The following DPYD variants were observed in gnomAD, a reference collection of about 807,000 sequenced individuals.
DPYD encodes dihydropyrimidine dehydrogenase, also known as dihydropyrimidine dehydrogenase [NADP(+)].
A neutral mutation model predicts 116.2 loss-of-function variants in DPYD; 109 were observed. The ratio of observed to expected loss-of-function variants is 0.94; its 90% CI spans 0.80 to 1.10. The LOEUF is 1.10. Among genes scored for constraint, DPYD ranks in the 50% least tolerant of loss-of-function variants. The pLI, the probability that DPYD is intolerant of heterozygous loss-of-function variation, is 0.00. For missense variants in DPYD, 1,302 were observed against 1,254.5 expected (o/e 1.04, Z -0.57); for synonymous variants, 440 against 432.0 (o/e 1.02, Z -0.23).
intron 20 of DPYD, among the ~76,000 whole-genome samples, chr1:97,168,019 T>G (rs1656449090): frequency 6.6e-6 from 1 of 152,176 alleles, no homozygotes; most frequent in Non-Finnish European, 1.5e-5. Context: ...GTTTTCTAGT[T>G]TGGATGACAG....
chr1:97,755,517 CTG>C (rs1226601684), intron 3 of DPYD, among the ~76,000 whole-genome samples: 2 of 152,186 alleles, frequency 1.3e-5, no homozygotes, highest in African/African-American at 2.4e-5. Context: ...AAGCTGGTAA[CTG>C]TGCACAATGA....
chr1:97,876,347 A>G (rs965610923), intron 2 of DPYD, among the ~76,000 whole-genome samples: 4 of 151,956 alleles, frequency 2.6e-5, no homozygotes, highest in Admixed American at 6.6e-5. Context: ...AGGACAGTGG[A>G]AGCCCTTTGG....
At chr1:97,364,807 C>T (rs917142144) in intron 16 of DPYD, among the ~76,000 whole-genome samples, 1 of 152,104 alleles carries the variant, frequency 6.6e-6, no homozygotes, top group Non-Finnish European at 1.5e-5. Flanking sequence ...GCCAATACTC[C>T]TAAGTTGTAA....
Position 97,448,529 on chromosome 1 carries a change from A to T in DPYD, c.1905+1530T>A, listed in dbSNP as rs140191314. On this transcript the variant is annotated intron_variant, in intron 14 of 22. Transcript: ENST00000370192. ...GTGCTCATAATATATTATAACCATT[A>T]TTATTATGTTGCATGTTCAGTACCT... 4.3e-3 allele frequency among the ~76,000 whole-genome samples: 650 copies of T among 152,054 alleles called. 7 individuals are homozygous for T. Among genetic ancestry groups the T allele is most frequent in the African/African-American group, 0.015 (633 of 41,488 alleles).
intron 12 of DPYD, chr1:97,547,062 A>G: frequency 9.4e-7 from 1 of 1,065,204 alleles, no homozygotes; most frequent in South Asian, 1.3e-5. Flanking sequence ...ACTGATGTTG[A>G]GGGAGGTGTA....
At chr1:97,850,337 A>C (rs12072739) in intron 2 of DPYD, among the ~76,000 whole-genome samples, 1 of 152,060 alleles carries the variant, frequency 6.6e-6, no homozygotes, top group African/African-American at 2.4e-5. Flanking sequence ...TAAATCTCTA[A>C]TTTTCTCTGT....
chr1:97,424,042 T>C (rs1304436411), intron 14 of DPYD, among the ~76,000 whole-genome samples: 1 of 152,108 alleles, frequency 6.6e-6, no homozygotes, highest in African/African-American at 2.4e-5. Context: ...TATGTAGAAC[T>C]TTCTTAGTAT....
chr1:97,833,811 C>T (rs999150576), intron 2 of DPYD, among the ~76,000 whole-genome samples: 1 of 151,832 alleles, frequency 6.6e-6, no homozygotes, highest in Admixed American at 6.6e-5. Context: ...TCATGTTTAA[C>T]CAGGTGATTT....
chr1:97,375,245 A>G (rs1192424956), intron 15 of DPYD, among the ~76,000 whole-genome samples: 3 of 152,148 alleles, frequency 2.0e-5, no homozygotes, highest in Non-Finnish European at 4.4e-5. Context: ...CTACTTTCTA[A>G]GTACACCAGA....
chr1:97,279,070 T>C (rs1018466369), intron 18 of DPYD, among the ~76,000 whole-genome samples: 6 of 152,124 alleles, frequency 3.9e-5, no homozygotes, highest in Non-Finnish European at 5.9e-5. Context: ...ATGAGTATAT[T>C]GCATGATGCT....
chr1:97,575,783 G>T lies in DPYD; in HGVS notation c.1129-1813C>A, dbSNP rs1013326785. On this transcript the variant is annotated intron_variant, in intron 10 of 22. Transcript: ENST00000370192. ...GGGATAGTTTCCTTATATATAAAAT[G>T]GGGAGAACACCATCTCATTAATCGG... 5.3e-5 allele frequency among the ~76,000 whole-genome samples: 8 copies of T among 152,212 alleles called. No homozygotes were observed. In the East Asian group the frequency reaches 1.5e-3, roughly 29 times the overall value.
chr1:97,828,844 G>C (rs1669381876), intron 2 of DPYD, among the ~76,000 whole-genome samples: 1 of 151,888 alleles, frequency 6.6e-6, no homozygotes, highest in Admixed American at 6.6e-5. Context: ...AGAATTTTAA[G>C]ATTGAGTAAA....
At chr1:97,784,800 A>C (rs1666934485) in intron 3 of DPYD, among the ~76,000 whole-genome samples, 1 of 152,200 alleles carries the variant, frequency 6.6e-6, no homozygotes, top group Non-Finnish European at 1.5e-5. Context: ...ACTGTCATCT[A>C]TATCAACTTC....
At chr1:97,317,923 G>A (rs906578187) in intron 16 of DPYD, among the ~76,000 whole-genome samples, 1 of 151,988 alleles carries the variant, frequency 6.6e-6, no homozygotes, top group Non-Finnish European at 1.5e-5. Context: ...TAACAAGTTG[G>A]TATAGTTCTT....
intron 20 of DPYD, among the ~76,000 whole-genome samples, chr1:97,143,455 G>A (rs913003688): frequency 3.3e-5 from 5 of 152,012 alleles, no homozygotes; most frequent in African/African-American, 4.8e-5. Flanking sequence ...TTGAGATATC[G>A]AAACCACTTG....
At chr1:97,418,046 A>G (rs1040960329) in intron 14 of DPYD, among the ~76,000 whole-genome samples, 6 of 152,230 alleles carry the variant, frequency 3.9e-5, no homozygotes, top group Non-Finnish European at 8.8e-5. Context: ...ATTTTAAAAA[A>G]GTATTTTGTG....
intron 18 of DPYD, among the ~76,000 whole-genome samples, chr1:97,248,789 T>C (rs1214604010): frequency 1.3e-5 from 2 of 152,182 alleles, no homozygotes; most frequent in African/African-American, 4.8e-5. Context: ...TCTTCATACT[T>C]TCTATATACT....
intron 13 of DPYD, among the ~76,000 whole-genome samples, chr1:97,467,239 CAA>C (rs1553179898): frequency 6.6e-6 from 1 of 152,116 alleles, no homozygotes; most frequent in Non-Finnish European, 1.5e-5. Flanking sequence ...GAACTTTGAC[CAA>C]AGTTCTTTGT....
At chr1:97,736,551 C>A (rs1663954961) in intron 4 of DPYD, among the ~76,000 whole-genome samples, 1 of 151,942 alleles carries the variant, frequency 6.6e-6, no homozygotes, top group African/African-American at 2.4e-5. Context: ...ATACTCTCAT[C>A]AAATTTTAAA....
Sources: allele counts gnomAD v4.1 joint callset (sites outside exome capture counted in the v4.1 genomes callset), GRCh38; gene constraint gnomAD v4.1.1; transcripts MANE v1.5; gene names NCBI Gene and HGNC (gene_info 2026-07-23, HGNC 2026-07-21).